Variants in CSNK2A2IP observed in about 807,000 individuals in gnomAD.
CSNK2A2IP encodes casein kinase 2 subunit alpha' interacting protein.
chr3:88,353,027 A>G, the CSNK2A2IP span, among the ~76,000 whole-genome samples: 3 of 152,136 alleles, frequency 2.0e-5, no homozygotes, highest in Non-Finnish European at 4.4e-5. Context: ...ATCTTACAAT[A>G]CTTGTTTTCT....
the CSNK2A2IP span, among the ~76,000 whole-genome samples, chr3:88,461,642 G>T: frequency 1.9e-4 from 29 of 152,206 alleles, no homozygotes; most frequent in East Asian, 5.2e-3. Flanking sequence ...TTCACCAGCA[G>T]TTTCTTGGTA....
At chr3:88,365,518 T>A in the CSNK2A2IP span, among the ~76,000 whole-genome samples, 1 of 152,186 alleles carries the variant, frequency 6.6e-6, no homozygotes, top group African/African-American at 2.4e-5. Context: ...GTCCTCAGCC[T>A]GCCATCAGAA....
the CSNK2A2IP span, chr3:88,465,088 G>A: frequency 3.5e-6 from 1 of 286,654 alleles, no homozygotes; most frequent in Non-Finnish European, 6.4e-6. Flanking sequence ...TTGTTAACAG[G>A]CATTATTTAC....
the CSNK2A2IP span, among the ~76,000 whole-genome samples, chr3:88,354,281 T>C: frequency 2.6e-5 from 4 of 152,204 alleles, no homozygotes; most frequent in East Asian, 7.7e-4. Context: ...TTCAATAGTA[T>C]AGAATATGGG....
chr3:88,462,102 A>G, the CSNK2A2IP span, among the ~76,000 whole-genome samples: 47 of 124,854 alleles, frequency 3.8e-4, 1 homozygote, highest in East Asian at 9.6e-3. Context: ...TATCATGGAG[A>G]TGAGTTTTTT....
the CSNK2A2IP span, among the ~76,000 whole-genome samples, chr3:88,365,076 A>T: frequency 6.6e-6 from 1 of 152,148 alleles, no homozygotes; most frequent in African/African-American, 2.4e-5. Context: ...CTGATCCAGG[A>T]TGTGGATCCA....
the CSNK2A2IP span, among the ~76,000 whole-genome samples, chr3:88,423,124 T>C: frequency 6.6e-6 from 1 of 152,188 alleles, no homozygotes; most frequent in Admixed American, 6.5e-5. Context: ...AGATGTTATG[T>C]CCAGATTTCT....
At chr3:88,365,824 T>C in the CSNK2A2IP span, among the ~76,000 whole-genome samples, 1 of 152,134 alleles carries the variant, frequency 6.6e-6, no homozygotes, top group East Asian at 1.9e-4. Flanking sequence ...TCCCCAAGTT[T>C]CTTGGCTGTT....
the CSNK2A2IP span, among the ~76,000 whole-genome samples, chr3:88,378,401 G>C: frequency 6.9e-3 from 1,054 of 151,760 alleles, 12 homozygotes; most frequent in African/African-American, 0.024. Context: ...ATATTGCTGT[G>C]ACTTGATAGA....
At chr3:88,405,476 C>A in the CSNK2A2IP span, among the ~76,000 whole-genome samples, 3 of 152,108 alleles carry the variant, frequency 2.0e-5, no homozygotes, top group Non-Finnish European at 2.9e-5. Context: ...GTTAACTCTG[C>A]GTCTTGATCA....
chr3:88,396,261 T>G, the CSNK2A2IP span, among the ~76,000 whole-genome samples: 7 of 151,288 alleles, frequency 4.6e-5, no homozygotes, highest in Admixed American at 1.3e-4. Flanking sequence ...GCCCGCCACC[T>G]CGCCCGGCTA....
the CSNK2A2IP span, among the ~76,000 whole-genome samples, chr3:88,435,207 C>A: frequency 1.3e-5 from 2 of 152,140 alleles, no homozygotes; most frequent in East Asian, 3.9e-4. Context: ...TCTTCCCCAC[C>A]TTCCCAGGTG....
chr3:88,369,894 T>C, the CSNK2A2IP span, among the ~76,000 whole-genome samples: 2 of 151,892 alleles, frequency 1.3e-5, no homozygotes, highest in Non-Finnish European at 2.9e-5. Flanking sequence ...ACCAAAAGGG[T>C]GAGCCTTTAA....
the CSNK2A2IP span, among the ~76,000 whole-genome samples, chr3:88,435,885 TATATAATG>T: frequency 2.2e-5 from 1 of 44,906 alleles, no homozygotes; most frequent in Non-Finnish European, 6.0e-5. Context: ...GTGCATTATA[TATATAATG>T]CACATTATGT....
the CSNK2A2IP span, among the ~76,000 whole-genome samples, chr3:88,370,588 C>A: frequency 1.5e-5 from 2 of 132,434 alleles, no homozygotes; most frequent in African/African-American, 5.2e-5. Context: ...TTCTCTCTCT[C>A]TTTCTTTCTT....
the CSNK2A2IP span, among the ~76,000 whole-genome samples, chr3:88,454,861 T>C: frequency 6.6e-6 from 1 of 151,846 alleles, no homozygotes; most frequent in Non-Finnish European, 1.5e-5. Context: ...ATTAACCTCT[T>C]ATACCCTATG....
chr3:88,372,855 A>T, the CSNK2A2IP span, among the ~76,000 whole-genome samples: 4 of 151,504 alleles, frequency 2.6e-5, no homozygotes, highest in Non-Finnish European at 5.9e-5. Flanking sequence ...ATCACATTAA[A>T]TAGATTTAAC....
chr3:88,386,070 G>C, the CSNK2A2IP span, among the ~76,000 whole-genome samples: 1 of 152,002 alleles, frequency 6.6e-6, no homozygotes, highest in East Asian at 1.9e-4. Context: ...GAGAAATATG[G>C]CAGTCCATTT....
At chr3:88,454,755 T>C in the CSNK2A2IP span, among the ~76,000 whole-genome samples, 9 of 152,110 alleles carry the variant, frequency 5.9e-5, no homozygotes, top group Middle Eastern at 3.4e-3. Context: ...CTAATTAGCA[T>C]ATCTATCAAC....
Sources: gnomAD v4.1 joint callset for allele counts (sites outside exome capture counted in the v4.1 genomes callset) on GRCh38, gnomAD v4.1.1 for gene constraint, MANE v1.5 for transcripts, NCBI Gene and HGNC (gene_info 2026-07-23, HGNC 2026-07-21) for gene names.